Variants in TRAPPC9 observed in about 807,000 individuals in gnomAD.
TRAPPC9 encodes the protein trafficking protein particle complex subunit 9, also known as IKK2 binding protein.
In TRAPPC9, 83 loss-of-function variants were observed where a neutral mutation model predicts 124.0. The ratio of observed to expected loss-of-function variants is 0.67; its 90% CI spans 0.56 to 0.80. The LOEUF (loss-of-function observed/expected upper bound fraction) is 0.80. TRAPPC9 is among the 30% of genes least tolerant of loss of function. TRAPPC9 has a pLI of 0.00. For synonymous variants in TRAPPC9, 638 were observed against 617.5 expected, an observed-to-expected ratio of 1.03 and a Z score of -0.49; for missense variants, 1,302 against 1,508.3, an observed-to-expected ratio of 0.86 and a Z score of 2.27.
chr8:139,863,339 G>A (rs1828297701), intron 21 of TRAPPC9, among the ~76,000 whole-genome samples: 1 of 152,300 alleles, frequency 6.6e-6, no homozygotes, highest in East Asian at 1.9e-4. Context: ...AGACCTGCCC[G>A]CTGCCCAGCT....
intron 8 of TRAPPC9, among the ~76,000 whole-genome samples, chr8:140,370,016 C>T (rs1325348150): frequency 6.6e-6 from 1 of 152,102 alleles, no homozygotes; most frequent in Non-Finnish European, 1.5e-5. Context: ...GGGAAATTAA[C>T]CTAGATGACA....
intron 17 of TRAPPC9, among the ~76,000 whole-genome samples, chr8:140,176,278 C>T (rs537979351): frequency 3.3e-5 from 5 of 152,314 alleles, no homozygotes; most frequent in Admixed American, 2.0e-4. Context: ...AGAGTATTCC[C>T]ATCACCCCTA....
chr8:140,081,346 C>CATTTTTTTTTTTTTTTT (rs35254769), intron 17 of TRAPPC9, among the ~76,000 whole-genome samples: 1 of 141,050 alleles, frequency 7.1e-6, no homozygotes. Context: ...AAAATGAATG[C>CATTTTTTTTTTTTTTTT]TTTTTTTTTT....
At chr8:139,809,887 G>A (rs1008594012) in intron 21 of TRAPPC9, among the ~76,000 whole-genome samples, 2 of 152,162 alleles carry the variant, frequency 1.3e-5, no homozygotes, top group African/African-American at 4.8e-5. Context: ...AGGATACTGA[G>A]TGACCCCCCT....
intron 17 of TRAPPC9, among the ~76,000 whole-genome samples, chr8:140,106,018 A>G (rs1024740336): frequency 2.7e-5 from 4 of 150,208 alleles, no homozygotes; most frequent in African/African-American, 9.8e-5. Flanking sequence ...TCAAATGTGG[A>G]TTTTGTAATG....
chr8:139,884,612 G>A (rs528371721), intron 21 of TRAPPC9, among the ~76,000 whole-genome samples: 12 of 152,308 alleles, frequency 7.9e-5, no homozygotes, highest in East Asian at 1.9e-4. Flanking sequence ...TGTCTTTCCC[G>A]GCTCAGCTAT....
intron 17 of TRAPPC9, among the ~76,000 whole-genome samples, chr8:140,214,864 G>T (rs1396281532): frequency 6.6e-6 from 1 of 152,174 alleles, no homozygotes; most frequent in Non-Finnish European, 1.5e-5. Flanking sequence ...ACTTCTCGGG[G>T]TGCTCCCTAG....
chr8:139,827,787 C>T (rs573646929), intron 21 of TRAPPC9, among the ~76,000 whole-genome samples: 4 of 152,290 alleles, frequency 2.6e-5, no homozygotes, highest in Non-Finnish European at 4.4e-5. Context: ...GAGGCTTCAT[C>T]GGCTCACAGT....
intron 21 of TRAPPC9, among the ~76,000 whole-genome samples, chr8:139,749,200 A>T (rs1819149845): frequency 6.6e-6 from 1 of 152,016 alleles, no homozygotes; most frequent in Admixed American, 6.5e-5. Context: ...CTCCTGCAGC[A>T]CCTGCTCCAG....
At chr8:139,843,422 C>T (rs747701165) in intron 21 of TRAPPC9, among the ~76,000 whole-genome samples, 2 of 152,178 alleles carry the variant, frequency 1.3e-5, no homozygotes, top group Non-Finnish European at 2.9e-5. Context: ...AACTTGGACT[C>T]CTCTGAATTT....
At chr8:139,760,185 CTG>C (rs1188542708) in intron 21 of TRAPPC9, among the ~76,000 whole-genome samples, 4 of 152,166 alleles carry the variant, frequency 2.6e-5, no homozygotes, top group Non-Finnish European at 5.9e-5. Context: ...CTGTGTGGCT[CTG>C]TGAGTAGGGG....
intron 21 of TRAPPC9, among the ~76,000 whole-genome samples, chr8:139,778,467 C>A (rs1167825625): frequency 6.6e-6 from 1 of 152,104 alleles, no homozygotes; most frequent in Non-Finnish European, 1.5e-5. Context: ...GGAGTAAAAA[C>A]AACCAATCAA....
intron 19 of TRAPPC9, among the ~76,000 whole-genome samples, chr8:139,983,837 C>A (rs1181127918): frequency 6.6e-6 from 1 of 152,154 alleles, no homozygotes; most frequent in African/African-American, 2.4e-5. Flanking sequence ...AGCAGCAGGG[C>A]AGAGCCTGGA....
intron 16 of TRAPPC9, among the ~76,000 whole-genome samples, chr8:140,226,378 G>T (rs2063452002): frequency 1.3e-5 from 2 of 152,084 alleles, no homozygotes; most frequent in South Asian, 4.1e-4. Context: ...GATCACTTCA[G>T]GTCAGGAGTT....
At chr8:140,272,649 C>T (rs1468791802) in intron 15 of TRAPPC9, among the ~76,000 whole-genome samples, 1 of 152,152 alleles carries the variant, frequency 6.6e-6, no homozygotes, top group African/African-American at 2.4e-5. Flanking sequence ...ACGGAGCTGG[C>T]CTCTGCTTCT....
At chr8:140,166,674 T>C (rs537900527) in intron 17 of TRAPPC9, among the ~76,000 whole-genome samples, 1 of 152,238 alleles carries the variant, frequency 6.6e-6, no homozygotes, top group Non-Finnish European at 1.5e-5. Flanking sequence ...AGCTGGGGTC[T>C]GGAAGGTCAC....
intron 17 of TRAPPC9, among the ~76,000 whole-genome samples, chr8:140,144,795 AT>A (rs2061433002): frequency 6.6e-6 from 1 of 150,454 alleles, no homozygotes; most frequent in Non-Finnish European, 1.5e-5. Flanking sequence ...CTTTAATTGT[AT>A]TTTTCTAACT....
At chr8:139,884,097 G>A (rs551961557) in intron 21 of TRAPPC9, among the ~76,000 whole-genome samples, 3 of 152,212 alleles carry the variant, frequency 2.0e-5, no homozygotes, top group Admixed American at 6.5e-5. Context: ...AAAGTGAATC[G>A]ACATTTGTAA....
chr8:139,867,440 G>A (rs932318672), intron 21 of TRAPPC9, among the ~76,000 whole-genome samples: 7 of 152,098 alleles, frequency 4.6e-5, no homozygotes, highest in East Asian at 1.9e-4. Flanking sequence ...ATGAAGAATC[G>A]GATATCCATG....
Sources: gnomAD v4.1 joint callset for allele counts (sites outside exome capture counted in the v4.1 genomes callset) on GRCh38, gnomAD v4.1.1 for gene constraint, MANE v1.5 for transcripts, NCBI Gene and HGNC (gene_info 2026-07-23, HGNC 2026-07-21) for gene names.